GABRB1: variants seen among roughly 807,000 people sequenced by gnomAD.
The protein encoded by GABRB1 is gamma-aminobutyric acid type A receptor subunit beta1.
Under a neutral mutation model 51.6 loss-of-function variants are expected in GABRB1, and 17 were observed. The observed-to-expected ratio is 0.33, with a 90% CI of 0.23 to 0.49. GABRB1 has a LOEUF of 0.49. Ranked by LOEUF, GABRB1 falls within the 20% of genes least tolerant of loss-of-function variation. The probability of loss-of-function intolerance (pLI) is 0.99; values close to 1 mark genes in which losing one functional copy is unlikely to be tolerated. For missense variants in GABRB1, 410 were observed against 600.6 expected (o/e 0.68, Z 3.32); for synonymous variants, 247 against 218.9 (o/e 1.13, Z -1.14).
intron 3 of GABRB1, among the ~76,000 whole-genome samples, chr4:47,068,643 C>T (rs899077825): frequency 6.6e-6 from 1 of 152,132 alleles, no homozygotes; most frequent in Admixed American, 6.5e-5. Context: ...AAACATTTAT[C>T]AATTGTTTGC....
intron 3 of GABRB1, among the ~76,000 whole-genome samples, chr4:47,102,967 G>A (rs560728291): frequency 6.6e-6 from 1 of 152,080 alleles, no homozygotes; most frequent in East Asian, 1.9e-4. Context: ...CCTAGAGGCA[G>A]GAATAGGAGA....
At chr4:47,141,042 A>G (rs1440489845) in intron 3 of GABRB1, among the ~76,000 whole-genome samples, 2 of 151,812 alleles carry the variant, frequency 1.3e-5, no homozygotes, top group African/African-American at 4.8e-5. Context: ...TCAGTACAAA[A>G]CTAATACAGG....
At chr4:47,398,265 A>G (rs1305394658) in intron 5 of GABRB1, among the ~76,000 whole-genome samples, 1 of 152,196 alleles carries the variant, frequency 6.6e-6, no homozygotes. Context: ...ATTGTTTGTA[A>G]TAGCTCTTCA....
At chr4:47,056,178 C>T (rs918249976) in intron 3 of GABRB1, among the ~76,000 whole-genome samples, 14 of 152,060 alleles carry the variant, frequency 9.2e-5, no homozygotes, top group East Asian at 3.9e-4. Flanking sequence ...GACCTTAAGC[C>T]GAATAGGAAT....
intron 4 of GABRB1, among the ~76,000 whole-genome samples, chr4:47,294,527 C>T (rs1241034039): frequency 1.3e-5 from 2 of 152,230 alleles, no homozygotes; most frequent in Admixed American, 6.5e-5. Flanking sequence ...TGAGATCAAA[C>T]TGCAAGGTGG....
chr4:47,417,391 C>T lies in GABRB1; in HGVS notation c.1081-8283C>T, dbSNP rs368218539. 8.2e-4 allele frequency among the ~76,000 whole-genome samples: 124 copies of T among 151,692 alleles called. 1 individual carries two copies. Among genetic ancestry groups the T allele is most frequent in the Non-Finnish European group, 1.5e-3 (100 of 68,008 alleles). ...ATGATAATAAAGTTTCCACTTCTGC[C>T]GCAAGCTTTCAGGACATGCAAAGAG... On this transcript the variant is annotated intron_variant, in intron 8 of 8. Transcript: ENST00000295454.
intron 8 of GABRB1, 152 bp downstream of exon 8, chr4:47,407,078 G>A: frequency 1.2e-6 from 1 of 803,352 alleles, no homozygotes; most frequent in South Asian, 1.9e-5. Context: ...CAGGGACTGA[G>A]GAATGAAGAA....
intron 4 of GABRB1, among the ~76,000 whole-genome samples, chr4:47,170,326 C>G (rs897312140): frequency 6.6e-6 from 1 of 151,724 alleles, no homozygotes; most frequent in Non-Finnish European, 1.5e-5. Flanking sequence ...CCTTAGTCTT[C>G]ATGATAAAGC....
intron 4 of GABRB1, among the ~76,000 whole-genome samples, chr4:47,254,066 A>G (rs1722087631): frequency 6.6e-6 from 1 of 152,176 alleles, no homozygotes; most frequent in South Asian, 2.1e-4. Context: ...ATTTTAAAAC[A>G]AAAGAAATAT....
chr4:47,019,905 TGTATATGTATATGTATAC>T (rs1724877356), intron 1 of GABRB1, among the ~76,000 whole-genome samples: 1 of 147,924 alleles, frequency 6.8e-6, no homozygotes, highest in South Asian at 2.1e-4. Context: ...TATATGTATA[TGTATATGTATATGTATAC>T]GTATATGTAT....
At chr4:47,208,139 A>T (rs1720213852) in intron 4 of GABRB1, among the ~76,000 whole-genome samples, 1 of 152,102 alleles carries the variant, frequency 6.6e-6, no homozygotes, top group African/African-American at 2.4e-5. Context: ...GTGTACAATG[A>T]CATATTATTC....
upstream of GABRB1, chr4:47,031,499 T>C: frequency 3.1e-6 from 2 of 648,114 alleles, no homozygotes; most frequent in South Asian, 3.7e-5. Context: ...CCTGTTCCAC[T>C]AGGAATATTG....
intron 1 of GABRB1, among the ~76,000 whole-genome samples, chr4:47,021,619 C>T (rs569259843): frequency 1.3e-5 from 2 of 152,208 alleles, no homozygotes; most frequent in African/African-American, 4.8e-5. Flanking sequence ...TCAGTTCCTT[C>T]TTCTTTCTGG....
intron 5 of GABRB1, among the ~76,000 whole-genome samples, chr4:47,347,967 C>A (rs1378105325): frequency 6.6e-6 from 1 of 152,118 alleles, no homozygotes; most frequent in Non-Finnish European, 1.5e-5. Flanking sequence ...AGACTTCTAA[C>A]ATAAAAATCA....
chr4:47,088,874 A>T (rs1728181818), intron 3 of GABRB1, among the ~76,000 whole-genome samples: 1 of 152,130 alleles, frequency 6.6e-6, no homozygotes, highest in South Asian at 2.1e-4. Context: ...AAAACAATAA[A>T]TACTATATTT....
In GABRB1 at chr4:47,010,915, T is replaced by G. The variant is rs533468432; in HGVS notation, c.-20+16989T>G. ...TAGTTAGCACTAACAAAGTGTTAGT[T>G]CTATTAATAACTCACACAGTGGATT... On this transcript the variant is annotated intron_variant, in intron 1 of 3. Transcript: ENST00000513567. 5.3e-5 allele frequency among the ~76,000 whole-genome samples: 8 copies of G among 152,304 alleles called. No individual in the cohort carries two copies. In the South Asian group the frequency reaches 1.7e-3, roughly 32 times the overall value.
intron 3 of GABRB1, among the ~76,000 whole-genome samples, chr4:47,128,400 A>G (rs1716260601): frequency 6.6e-6 from 1 of 151,940 alleles, no homozygotes; most frequent in African/African-American, 2.4e-5. Context: ...AAATCCATGA[A>G]TTAGAAAAAC....
At chr4:47,169,750 C>A (rs1718361140) in intron 4 of GABRB1, among the ~76,000 whole-genome samples, 1 of 152,164 alleles carries the variant, frequency 6.6e-6, no homozygotes, top group South Asian at 2.1e-4. Flanking sequence ...GATCCCCCCG[C>A]CTTGACCTCC....
At chr4:46,998,732 TAAAAA>T (rs1031492003) in intron 1 of GABRB1, among the ~76,000 whole-genome samples, 3 of 66,432 alleles carry the variant, frequency 4.5e-5, no homozygotes, top group Non-Finnish European at 8.7e-5. Flanking sequence ...AGACTCTGTC[TAAAAA>T]AAAAAAAAAA....
Sources: allele counts gnomAD v4.1 joint callset (sites outside exome capture counted in the v4.1 genomes callset), GRCh38; gene constraint gnomAD v4.1.1; transcripts MANE v1.5; gene names NCBI Gene and HGNC (gene_info 2026-07-23, HGNC 2026-07-21).